RBM19: variants seen among roughly 807,000 people sequenced by gnomAD.
RBM19 encodes RNA binding motif protein 19.
RBM19 carries 94 observed loss-of-function variants against 116.8 expected under a neutral mutation model. That is an observed-to-expected ratio of 0.80 (90% CI 0.68 to 0.95). The LOEUF (loss-of-function observed/expected upper bound fraction) is 0.95, where lower values mean the gene tolerates loss of function less well. RBM19 is among the 40% of genes least tolerant of loss of function. The pLI, the probability that RBM19 is intolerant of heterozygous loss-of-function variation, is 0.00. For missense variants in RBM19, 1,161 were observed against 1,220.7 expected (o/e 0.95, Z 0.73); for synonymous variants, 475 against 494.1 (o/e 0.96, Z 0.51).
intron 18 of RBM19, among the ~76,000 whole-genome samples, chr12:113,921,066 A>C (rs772176058): frequency 6.6e-6 from 1 of 152,202 alleles, no homozygotes; most frequent in Non-Finnish European, 1.5e-5. Flanking sequence ...GCCTAAAATG[A>C]ATATGTGCGT....
intron 23 of RBM19, among the ~76,000 whole-genome samples, chr12:113,827,335 C>T (rs548015641): frequency 6.6e-5 from 10 of 152,078 alleles, no homozygotes; most frequent in South Asian, 2.1e-4. Context: ...GTCCTGCCCC[C>T]CTCCCCACCA....
chr12:113,823,507 C>T (rs1874602275), intron 23 of RBM19, among the ~76,000 whole-genome samples, 186 bp from the exon 24 acceptor site: 1 of 151,570 alleles, frequency 6.6e-6, no homozygotes, highest in Non-Finnish European at 1.5e-5. Context: ...AGAGAAGATA[C>T]AGAGGGAGGT....
At chr12:113,855,625 G>C (rs1266197642) in intron 22 of RBM19, among the ~76,000 whole-genome samples, 1 of 152,186 alleles carries the variant, frequency 6.6e-6, no homozygotes, top group Non-Finnish European at 1.5e-5. Context: ...AGCTTCAACA[G>C]GGGGAGGATG....
At chr12:113,868,004 T>C (rs1337733359) in intron 21 of RBM19, among the ~76,000 whole-genome samples, 1 of 152,224 alleles carries the variant, frequency 6.6e-6, no homozygotes, top group Non-Finnish European at 1.5e-5. Flanking sequence ...ATTCTAGTAT[T>C]TTTTCTCCTG....
chr12:113,900,296 G>A (rs1881606358), intron 21 of RBM19, among the ~76,000 whole-genome samples: 1 of 152,214 alleles, frequency 6.6e-6, no homozygotes. Flanking sequence ...TCTGGCAGAT[G>A]GAAACAGCCT....
downstream of RBM19, among the ~76,000 whole-genome samples, chr12:113,819,572 C>G (rs1273075254): frequency 2.0e-5 from 3 of 152,210 alleles, no homozygotes; most frequent in African/African-American, 7.2e-5. Context: ...GAGTTTCTCT[C>G]CCAGATCTTC....
intron 23 of RBM19, among the ~76,000 whole-genome samples, chr12:113,828,099 C>CAAAA (rs34234377): frequency 3.0e-5 from 2 of 67,304 alleles, no homozygotes; most frequent in African/African-American, 5.8e-5. Context: ...GACTCTGTCT[C>CAAAA]AAAAAAAAAA....
At chr12:113,926,480 T>C (rs1869082667) in intron 17 of RBM19, among the ~76,000 whole-genome samples, 1 of 152,148 alleles carries the variant, frequency 6.6e-6, no homozygotes, top group African/African-American at 2.4e-5. Context: ...CCCCACTCCT[T>C]TGGAACTGGA....
At chr12:113,855,839 T>C (rs1023523707) in intron 22 of RBM19, among the ~76,000 whole-genome samples, 1 of 152,200 alleles carries the variant, frequency 6.6e-6, no homozygotes, top group Non-Finnish European at 1.5e-5. Context: ...TATTCACTAA[T>C]ATGCAGTGTG....
chr12:113,958,756 A>C (rs114837151), intron 5 of RBM19, among the ~76,000 whole-genome samples: 1 of 151,960 alleles, frequency 6.6e-6, no homozygotes, highest in African/African-American at 2.4e-5. Flanking sequence ...CCACACCACA[A>C]ACCCCTTCTG....
chr12:113,950,092 C>T lies in RBM19; in HGVS notation c.1063G>A (p.Glu355Lys). The T allele has an allele frequency of 6.2e-7, 1 of 1,606,702 alleles. No individual in the cohort carries two copies. The highest frequency in any genetic ancestry group is 8.5e-7 in the Non-Finnish European group (1 of 1,173,330). The change falls in exon 9 of 24, where the codon GAG becomes AAG. Residue 355 changes from glutamate to lysine, a missense_variant. Transcript: ENST00000261741. Reference protein sequence around the residue: ...EVKQALKCNREYMGGRYIEVF... With the variant: ...EVKQALKCNRKYMGGRYIEVF... ...GCCAGGGCTTCCTTACCCATGTACTCCCGGTTGCATTTCAGAGCTTGCTTC... is the reference window on the plus strand; with the variant it reads ...GCCAGGGCTTCCTTACCCATGTACTTCCGGTTGCATTTCAGAGCTTGCTTC...
chr12:113,958,052 T>G lies in RBM19; in HGVS notation c.572-2A>C. On this transcript the variant is annotated splice_acceptor_variant, in intron 5 of 23. Transcript: ENST00000261741. LOFTEE classifies it high-confidence loss of function. ...CCTTTGGTTCGAGGCTTGCCTCTTC[T>G]GGAAAAACAGGGAAGCTGGGATCAG... 6.2e-7 allele frequency: 1 copy of G among 1,604,220 alleles called. No individual in the cohort carries two copies. The highest frequency in any genetic ancestry group is 8.5e-7 in the Non-Finnish European group (1 of 1,175,600).
In RBM19 at chr12:113,903,437, G is replaced by A. The variant is rs1022205431; in HGVS notation, c.2558+11532C>T. Among the ~76,000 whole-genome samples the A allele has an allele frequency of 6.6e-6, 1 of 152,184 alleles. No individual in the cohort carries two copies. Among genetic ancestry groups the A allele is most frequent in the Non-Finnish European group, 1.5e-5 (1 of 68,038 alleles). On this transcript the variant is annotated intron_variant, in intron 21 of 23. Coordinates refer to ENST00000261741, the MANE Select transcript of RBM19 (RefSeq NM_016196.4). The surrounding 1 kb of genome is among the most constrained non-coding windows in gnomAD (Gnocchi z 5.1). ...CATCAGCTGACAGACATCTGTTTTTGTGTGAACGTGAGTTGTCATTTCTCT... is the reference window on the plus strand; with the variant it reads ...CATCAGCTGACAGACATCTGTTTTTATGTGAACGTGAGTTGTCATTTCTCT...
At chr12:113,887,958 C>T (rs1880660785) in intron 21 of RBM19, among the ~76,000 whole-genome samples, 1 of 152,148 alleles carries the variant, frequency 6.6e-6, no homozygotes, top group Non-Finnish European at 1.5e-5. Flanking sequence ...GTGGGCTCAA[C>T]TGATCCTCCT....
At chr12:113,953,475 C>T (rs7971365) in intron 7 of RBM19, among the ~76,000 whole-genome samples, 15,767 of 152,128 alleles carry the variant, frequency 0.1, 878 homozygotes, top group East Asian at 0.17. Context: ...GAGATAAGAG[C>T]GAAACTCTGT....
chr12:113,820,661 C>T (rs1052779027), downstream of RBM19, among the ~76,000 whole-genome samples: 1 of 151,930 alleles, frequency 6.6e-6, no homozygotes, highest in African/African-American at 2.4e-5. Context: ...GTCTGGTGGG[C>T]GCGGCATGAA....
At chr12:113,920,162 G>A (rs1411460022) in intron 19 of RBM19, among the ~76,000 whole-genome samples, 5 of 152,140 alleles carry the variant, frequency 3.3e-5, no homozygotes. Flanking sequence ...GCTGACTTCT[G>A]GCCAAGCAGG....
chr12:113,845,973 C>T (rs1188561774), intron 22 of RBM19, among the ~76,000 whole-genome samples: 1 of 152,214 alleles, frequency 6.6e-6, no homozygotes, highest in African/African-American at 2.4e-5. Flanking sequence ...CTCAAGGGTT[C>T]TAGGGACAAA....
chr12:113,955,460 C>G (rs1369288265), intron 6 of RBM19, among the ~76,000 whole-genome samples: 1 of 152,114 alleles, frequency 6.6e-6, no homozygotes, highest in Non-Finnish European at 1.5e-5. Flanking sequence ...GGCACCTGGA[C>G]AGGGACCCTG....
Sources: allele counts gnomAD v4.1 joint callset (sites outside exome capture counted in the v4.1 genomes callset), GRCh38; gene constraint gnomAD v4.1.1; non-coding constraint Gnocchi (gnomAD v3.1); transcripts MANE v1.5; gene names NCBI Gene and HGNC (gene_info 2026-07-23, HGNC 2026-07-21).